KCNIP4: variants seen among roughly 807,000 people sequenced by gnomAD.
KCNIP4 encodes Kv channel-interacting protein 4.
KCNIP4 carries 12 observed loss-of-function variants against 34.0 expected under a neutral mutation model. The ratio of observed to expected loss-of-function variants is 0.35; its 90% confidence interval spans 0.23 to 0.57. KCNIP4 has a LOEUF of 0.57. KCNIP4 is among the 20% of genes least tolerant of loss of function. The pLI is 0.83. For missense variants in KCNIP4, 238 were observed against 311.7 expected (o/e 0.76, Z 1.78); for synonymous variants, 124 against 102.2 (o/e 1.21, Z -1.29).
chr4:21,313,184 G>A (rs2109279021), intron 1 of KCNIP4, among the ~76,000 whole-genome samples: 1 of 152,234 alleles, frequency 6.6e-6, no homozygotes, highest in African/African-American at 2.4e-5. Flanking sequence ...TTATTTATGT[G>A]ATCATTAAAC....
At chr4:21,345,638 T>G (rs531168313) in intron 1 of KCNIP4, among the ~76,000 whole-genome samples, 56 of 152,216 alleles carry the variant, frequency 3.7e-4, no homozygotes, top group East Asian at 3.9e-4. Flanking sequence ...GGAAAGCAAA[T>G]GGAGGCTGAT....
At chr4:20,781,784 A>T (rs916282842) in intron 3 of KCNIP4, among the ~76,000 whole-genome samples, 1 of 152,138 alleles carries the variant, frequency 6.6e-6, no homozygotes, top group African/African-American at 2.4e-5. Context: ...TGGCCCCTCC[A>T]AATCTCATGT....
At chr4:20,745,636 G>T (rs1470555730) in intron 5 of KCNIP4, among the ~76,000 whole-genome samples, 1 of 152,174 alleles carries the variant, frequency 6.6e-6, no homozygotes, top group East Asian at 1.9e-4. Flanking sequence ...GGAGAGGTCT[G>T]TACCGAATTC....
intron 1 of KCNIP4, among the ~76,000 whole-genome samples, chr4:21,273,417 C>A (rs1033017486): frequency 6.6e-6 from 1 of 152,072 alleles, no homozygotes; most frequent in Non-Finnish European, 1.5e-5. Context: ...ATTATCCTAT[C>A]TCAGTGAAAG....
chr4:21,902,727 G>A (rs1727776991), intron 1 of KCNIP4, among the ~76,000 whole-genome samples: 1 of 152,120 alleles, frequency 6.6e-6, no homozygotes, highest in African/African-American at 2.4e-5. Flanking sequence ...TAGGAATTAA[G>A]TTATCAAGTA....
At chr4:21,771,066 T>A (rs1267584405) in intron 1 of KCNIP4, among the ~76,000 whole-genome samples, 1 of 152,162 alleles carries the variant, frequency 6.6e-6, no homozygotes, top group Non-Finnish European at 1.5e-5. Context: ...AGGGATCTTA[T>A]GGTTTTTGGT....
intron 1 of KCNIP4, among the ~76,000 whole-genome samples, chr4:21,491,434 G>T (rs904051353): frequency 2.0e-5 from 3 of 152,152 alleles, no homozygotes; most frequent in Admixed American, 2.0e-4. Context: ...GAGTGCAATG[G>T]TGTGATCATA....
At chr4:21,389,508 T>G (rs1722345409) in intron 1 of KCNIP4, among the ~76,000 whole-genome samples, 2 of 132,034 alleles carry the variant, frequency 1.5e-5, no homozygotes, top group African/African-American at 5.8e-5. Context: ...TGTGTCCAAG[T>G]GTTCTTATTG....
intron 1 of KCNIP4, among the ~76,000 whole-genome samples, chr4:21,093,820 C>T (rs768498840): frequency 2.6e-5 from 4 of 152,086 alleles, no homozygotes; most frequent in Non-Finnish European, 4.4e-5. Context: ...CGTTGGCTGA[C>T]GCCTGTAATC....
intron 1 of KCNIP4, among the ~76,000 whole-genome samples, chr4:21,937,981 C>A (rs1379749069): frequency 6.6e-6 from 1 of 152,116 alleles, no homozygotes; most frequent in Non-Finnish European, 1.5e-5. Flanking sequence ...CACATCTTGA[C>A]CGTGACTACT....
intron 1 of KCNIP4, among the ~76,000 whole-genome samples, chr4:21,596,235 A>T (rs769823996): frequency 1.1e-4 from 17 of 152,122 alleles, no homozygotes. Flanking sequence ...ATATTTTACC[A>T]TCTACAATAA....
At chr4:21,112,309 G>A (rs59416831) in intron 1 of KCNIP4, among the ~76,000 whole-genome samples, 3 of 152,074 alleles carry the variant, frequency 2.0e-5, no homozygotes, top group African/African-American at 7.2e-5. Context: ...TTGGACTTTT[G>A]GGTCTTGATG....
chr4:21,486,132 T>G (rs1166533202), intron 1 of KCNIP4, among the ~76,000 whole-genome samples: 1 of 152,174 alleles, frequency 6.6e-6, no homozygotes, highest in African/African-American at 2.4e-5. Flanking sequence ...TAAGCTGCAT[T>G]TATTTACTTT....
chr4:20,823,929 A>G (rs1336560696), intron 3 of KCNIP4, among the ~76,000 whole-genome samples: 1 of 152,198 alleles, frequency 6.6e-6, no homozygotes, highest in Non-Finnish European at 1.5e-5. Flanking sequence ...GTAGCATAGA[A>G]TAGTGGCTAA....
chr4:21,734,790 T>A (rs964203631), intron 1 of KCNIP4, among the ~76,000 whole-genome samples: 1 of 152,158 alleles, frequency 6.6e-6, no homozygotes, highest in African/African-American at 2.4e-5. Context: ...TAACTCGAGA[T>A]ATTTTCTATA....
intron 1 of KCNIP4, among the ~76,000 whole-genome samples, chr4:21,653,725 A>G (rs1747690929): frequency 6.6e-6 from 1 of 152,194 alleles, no homozygotes; most frequent in Non-Finnish European, 1.5e-5. Context: ...AATCCTCACA[A>G]CATTCAAAGA....
chr4:21,171,319 T>C (rs1754007767), intron 1 of KCNIP4, among the ~76,000 whole-genome samples: 1 of 152,122 alleles, frequency 6.6e-6, no homozygotes. Flanking sequence ...TCAACTTAGA[T>C]GAGTTCAATA....
intron 1 of KCNIP4, among the ~76,000 whole-genome samples, chr4:21,606,583 T>C (rs1743693738): frequency 6.6e-6 from 1 of 152,050 alleles, no homozygotes; most frequent in Non-Finnish European, 1.5e-5. Context: ...TTTGTTTGTT[T>C]GTTTGTTTGT....
intron 1 of KCNIP4, among the ~76,000 whole-genome samples, chr4:21,495,070 T>G (rs535007128): frequency 6.6e-6 from 1 of 152,102 alleles, no homozygotes; most frequent in Non-Finnish European, 1.5e-5. Context: ...AAAAGCATCA[T>G]GTGTTTGCTG....
Sources: gnomAD v4.1 joint callset for allele counts (sites outside exome capture counted in the v4.1 genomes callset) on GRCh38, gnomAD v4.1.1 for gene constraint, MANE v1.5 for transcripts, NCBI Gene and HGNC (gene_info 2026-07-23, HGNC 2026-07-21) for gene names.